DCLK2: variants seen among roughly 807,000 people sequenced by gnomAD.
DCLK2 encodes the protein doublecortin like kinase 2, also known as serine/threonine-protein kinase DCLK2.
In DCLK2, 31 loss-of-function variants were observed where a neutral mutation model predicts 78.4. The observed-to-expected ratio is 0.40, with a 90% CI of 0.30 to 0.53. The LOEUF is 0.53. Ranked by LOEUF, DCLK2 falls within the 20% of genes least tolerant of loss-of-function variation. The pLI is 0.61. For missense variants in DCLK2, 872 were observed against 973.7 expected, an observed-to-expected ratio of 0.90 and a Z score of 1.39; for synonymous variants, 407 against 374.9, an observed-to-expected ratio of 1.09 and a Z score of -0.99.
intron 2 of DCLK2, among the ~76,000 whole-genome samples, chr4:150,169,233 G>T (rs1018003227): frequency 2.6e-5 from 4 of 152,046 alleles, no homozygotes; most frequent in Non-Finnish European, 4.4e-5. Flanking sequence ...CCCTGCACAG[G>T]ACTGAACTGA....
intron 2 of DCLK2, among the ~76,000 whole-genome samples, chr4:150,188,497 A>T (rs1738125940): frequency 6.6e-6 from 1 of 152,144 alleles, no homozygotes; most frequent in East Asian, 1.9e-4. Context: ...GCTTAACCAA[A>T]TAGGCATTCA....
chr4:150,196,297 A>G (rs1739025679), intron 3 of DCLK2, among the ~76,000 whole-genome samples: 1 of 152,190 alleles, frequency 6.6e-6, no homozygotes, highest in African/African-American at 2.4e-5. Context: ...TGATATTTAC[A>G]TATCCTGCTC....
intron 2 of DCLK2, among the ~76,000 whole-genome samples, chr4:150,139,093 A>G (rs765513240): frequency 5.3e-5 from 8 of 152,080 alleles, no homozygotes; most frequent in Non-Finnish European, 1.2e-4. Context: ...GGCTGGTATC[A>G]AACTCAAGTG....
At chr4:150,121,266 T>C (rs1209092465) in intron 2 of DCLK2, among the ~76,000 whole-genome samples, 3 of 83,938 alleles carry the variant, frequency 3.6e-5, no homozygotes, top group South Asian at 3.3e-4. Context: ...ACAGTAGAAC[T>C]TCTTTCAAAA....
At chr4:150,152,045 CA>C (rs1560815516) in intron 2 of DCLK2, among the ~76,000 whole-genome samples, 1 of 152,146 alleles carries the variant, frequency 6.6e-6, no homozygotes, top group Non-Finnish European at 1.5e-5. Flanking sequence ...TGACATTTTG[CA>C]TTAGTTTGAA....
At chr4:150,178,209 C>T (rs956034134) in intron 2 of DCLK2, among the ~76,000 whole-genome samples, 13 of 152,186 alleles carry the variant, frequency 8.5e-5, no homozygotes, top group Non-Finnish European at 1.6e-4. Flanking sequence ...ATTGATAAGC[C>T]AATTAATCTA....
chr4:150,204,831 G>A (rs1739724718), intron 5 of DCLK2, among the ~76,000 whole-genome samples: 1 of 151,962 alleles, frequency 6.6e-6, no homozygotes, highest in Admixed American at 6.6e-5. Context: ...GGCAGAGGTT[G>A]CAGTGAGCCG....
At chr4:150,250,634 A>G (rs1344326841) in intron 15 of DCLK2, among the ~76,000 whole-genome samples, 1 of 151,526 alleles carries the variant, frequency 6.6e-6, no homozygotes, top group Non-Finnish European at 1.5e-5. Context: ...GCCCCCCGTG[A>G]CCCCACTGAG....
chr4:150,130,055 C>T (rs932648966), intron 2 of DCLK2, among the ~76,000 whole-genome samples: 15 of 152,006 alleles, frequency 9.9e-5, no homozygotes, highest in African/African-American at 1.9e-4. Context: ...AATGAGAGAA[C>T]GGGATTAAAT....
intron 2 of DCLK2, among the ~76,000 whole-genome samples, chr4:150,185,685 G>A (rs1019076716): frequency 6.8e-6 from 1 of 148,142 alleles, no homozygotes; most frequent in African/African-American, 2.5e-5. Flanking sequence ...TTGTACTCCA[G>A]CCTGGGCGAC....
At chr4:150,238,331 A>G (rs186066440) in intron 10 of DCLK2, among the ~76,000 whole-genome samples, 2 of 152,184 alleles carry the variant, frequency 1.3e-5, no homozygotes, top group African/African-American at 2.4e-5. Flanking sequence ...TCATTGCCCT[A>G]TTACCCATTT....
In DCLK2 at chr4:150,198,009, T is replaced by C. The variant is rs781084668; in HGVS notation, c.867T>C (p.Arg289=). Residue 289 remains arginine, a synonymous_variant, in exon 4 of 16, where the codon CGT becomes CGC. Coordinates refer to ENST00000296550, the MANE Select transcript of DCLK2 (RefSeq NM_001040260.4). The part of the protein sequence containing the change: ...DDFVLDHSEC[R]VLKSSYSRSS... ...ACTTTTGTTCTTTTCTAGAATGTCGTGTCCTGAAGTCATCTTATTCTCGAT... is the reference window on the plus strand; with the variant it reads ...ACTTTTGTTCTTTTCTAGAATGTCGCGTCCTGAAGTCATCTTATTCTCGAT... 6 of 1,610,510 alleles carry C rather than the reference T, an allele frequency of 3.7e-6. No individual in the cohort carries two copies. Among genetic ancestry groups the C allele is most frequent in the Admixed American group, 3.4e-5 (2 of 58,920 alleles).
In DCLK2 at chr4:150,102,676, A is replaced by G; in HGVS notation, c.620A>G (p.Lys207Arg). Reference sequence around the variant, plus strand: ...GTGACTGTGATTCGAAGTGGAGTGAAGCCTAGAAAAGCCGTGCGGATCCTT... The same window carrying G: ...GTGACTGTGATTCGAAGTGGAGTGAGGCCTAGAAAAGCCGTGCGGATCCTT... ...KLVTVIRSGV[K>R]PRKAVRILLN... The change falls in exon 2 of 16, where the codon AAG (lysine) becomes AGG (arginine). Residue 207 changes from lysine to arginine, a missense_variant. By Grantham distance (26) the Lys-to-Arg change is conservative. Around this residue, in one of 3 missense-constraint regions of DCLK2, gnomAD observed 567 missense variants for 593.4 expected, o/e 0.96. Coordinates refer to ENST00000296550, the MANE Select transcript of DCLK2 (RefSeq NM_001040260.4). 1 of 1,614,138 alleles carries G rather than the reference A, an allele frequency of 6.2e-7. No homozygotes were observed. Among genetic ancestry groups the G allele is most frequent in the Non-Finnish European group, 8.5e-7 (1 of 1,180,010 alleles).
At chr4:150,192,993 A>G in intron 2 of DCLK2, 145 bp from the exon 3 acceptor site, 2 of 529,528 alleles carry the variant, frequency 3.8e-6, no homozygotes, top group Non-Finnish European at 6.8e-6. Context: ...TGTGAAGGTA[A>G]AGTGCTTAGA....
chr4:150,142,847 CAT>C (rs1734207996), intron 2 of DCLK2, among the ~76,000 whole-genome samples: 2 of 150,278 alleles, frequency 1.3e-5, no homozygotes, highest in African/African-American at 2.5e-5. Context: ...GGAACATGCA[CAT>C]GTTTGTCACA....
chr4:150,242,730 C>G (rs932302610), intron 12 of DCLK2, among the ~76,000 whole-genome samples: 1 of 152,226 alleles, frequency 6.6e-6, no homozygotes, highest in South Asian at 2.1e-4. Flanking sequence ...TCCCCGAGCA[C>G]TTCCTCAGCC....
chr4:150,107,844 G>A (rs1406757300), intron 2 of DCLK2, among the ~76,000 whole-genome samples: 1 of 152,164 alleles, frequency 6.6e-6, no homozygotes, highest in African/African-American at 2.4e-5. Context: ...GGTGATGTTT[G>A]CCTGTAGTCC....
chr4:150,080,773 T>A (rs1729202948), intron 1 of DCLK2, among the ~76,000 whole-genome samples: 1 of 152,224 alleles, frequency 6.6e-6, no homozygotes, highest in Admixed American at 6.5e-5. Context: ...CTAAAGGTCG[T>A]TGAGTTTGTC....
intron 8 of DCLK2, among the ~76,000 whole-genome samples, chr4:150,226,523 TA>T (rs137929782): frequency 1.4e-4 from 21 of 148,326 alleles, no homozygotes; most frequent in East Asian, 5.9e-4. Flanking sequence ...TTCAAAACAG[TA>T]AAAAAAAAAT....
Sources: gnomAD v4.1 joint callset for allele counts (sites outside exome capture counted in the v4.1 genomes callset) on GRCh38, gnomAD v4.1.1 for gene constraint, gnomAD v4.1.1 regional missense constraint, MANE v1.5 for transcripts, NCBI Gene and HGNC (gene_info 2026-07-23, HGNC 2026-07-21) for gene names.